Variants in RNLS observed in about 807,000 individuals in gnomAD.
RNLS encodes the protein renalase, FAD dependent amine oxidase, also known as renalase.
RNLS carries 39 observed loss-of-function variants against 39.8 expected under a neutral mutation model. The ratio of observed to expected loss-of-function variants is 0.98; its 90% CI spans 0.76 to 1.28. The LOEUF is 1.28. Ranked by LOEUF, RNLS falls within the 50% of genes most tolerant of loss-of-function variation. The pLI, the probability that RNLS is intolerant of heterozygous loss-of-function variation, is 0.00. For missense variants in RNLS, 410 were observed against 413.3 expected (o/e 0.99, Z 0.07); for synonymous variants, 147 against 150.7 (o/e 0.98, Z 0.18).
chr10:88,442,847 C>T (rs1564802441), intron 4 of RNLS, among the ~76,000 whole-genome samples: 1 of 152,214 alleles, frequency 6.6e-6, no homozygotes, highest in Non-Finnish European at 1.5e-5. Context: ...AGCTCCAACA[C>T]TTGGCTGAGC....
intron 5 of RNLS, among the ~76,000 whole-genome samples, chr10:88,321,925 G>A (rs1846212813): frequency 6.6e-6 from 1 of 152,170 alleles, no homozygotes; most frequent in Non-Finnish European, 1.5e-5. Flanking sequence ...AAAACACTGA[G>A]GCGGAGGCAT....
intron 5 of RNLS, among the ~76,000 whole-genome samples, chr10:88,355,794 T>C (rs1849118917): frequency 6.6e-6 from 1 of 152,240 alleles, no homozygotes; most frequent in South Asian, 2.1e-4. Flanking sequence ...TGTTTGGCTA[T>C]GCCCTGCCCC....
At chr10:88,265,510 T>A in the RNLS span, among the ~76,000 whole-genome samples, 2 of 152,112 alleles carry the variant, frequency 1.3e-5, no homozygotes, top group Non-Finnish European at 1.5e-5. Flanking sequence ...TTTGTTTGTG[T>A]TGTCTATGAC....
At chr10:88,369,408 G>A (rs1312684054) in intron 4 of RNLS, among the ~76,000 whole-genome samples, 2 of 152,132 alleles carry the variant, frequency 1.3e-5, no homozygotes, top group African/African-American at 4.8e-5. Context: ...GGATTCTCAG[G>A]TAGGAGACAG....
intron 4 of RNLS, among the ~76,000 whole-genome samples, chr10:88,526,831 C>A (rs1847128081): frequency 6.6e-6 from 1 of 151,768 alleles, no homozygotes; most frequent in Non-Finnish European, 1.5e-5. Flanking sequence ...CTAAAGAAAG[C>A]TCAATTCTAA....
At chr10:88,541,308 C>T (rs748926456) in intron 4 of RNLS, among the ~76,000 whole-genome samples, 2 of 152,174 alleles carry the variant, frequency 1.3e-5, no homozygotes, top group East Asian at 1.9e-4. Context: ...TGTCTTAACT[C>T]CTTTTCACTA....
chr10:88,421,765 T>A (rs1367282416), intron 4 of RNLS, among the ~76,000 whole-genome samples: 1 of 152,218 alleles, frequency 6.6e-6, no homozygotes, highest in Admixed American at 6.5e-5. Context: ...ATAACCTAGA[T>A]ATAACCTGTT....
chr10:88,339,854 T>A (rs1160830492), intron 5 of RNLS, among the ~76,000 whole-genome samples: 1 of 152,236 alleles, frequency 6.6e-6, no homozygotes, highest in East Asian at 1.9e-4. Context: ...ATGTATGTAC[T>A]GACACAGCAA....
At chr10:88,312,119 G>T (rs149620926) in intron 6 of RNLS, among the ~76,000 whole-genome samples, 1 of 152,180 alleles carries the variant, frequency 6.6e-6, no homozygotes, top group Non-Finnish European at 1.5e-5. Context: ...AATATGTTAC[G>T]TCAATGGAAA....
intron 4 of RNLS, among the ~76,000 whole-genome samples, chr10:88,550,002 C>T (rs1007688981): frequency 6.6e-6 from 1 of 152,172 alleles, no homozygotes; most frequent in Non-Finnish European, 1.5e-5. Context: ...CACCCACACT[C>T]ACACATACAC....
chr10:88,226,093 T>A, the RNLS span, among the ~76,000 whole-genome samples: 1 of 152,222 alleles, frequency 6.6e-6, no homozygotes, highest in Admixed American at 6.5e-5. Flanking sequence ...TTCCCAACTT[T>A]TGAACTGTTG....
At chr10:88,460,509 G>C (rs577592782) in intron 4 of RNLS, among the ~76,000 whole-genome samples, 1 of 151,936 alleles carries the variant, frequency 6.6e-6, no homozygotes, top group South Asian at 2.1e-4. Context: ...CACATTTCCC[G>C]TTTATCACCT....
intron 4 of RNLS, among the ~76,000 whole-genome samples, chr10:88,460,830 G>A (rs550085985): frequency 6.6e-6 from 1 of 152,182 alleles, no homozygotes; most frequent in Admixed American, 6.6e-5. Context: ...CCTGTATCAT[G>A]TTACACTGAA....
chr10:88,381,610 C>T (rs1194465141), intron 4 of RNLS, among the ~76,000 whole-genome samples: 5 of 151,532 alleles, frequency 3.3e-5, no homozygotes, highest in South Asian at 2.1e-4. Flanking sequence ...TGTAGATGAC[C>T]GTCCCTTTGA....
chr10:88,328,616 T>A (rs1846830991), intron 5 of RNLS, among the ~76,000 whole-genome samples: 1 of 152,222 alleles, frequency 6.6e-6, no homozygotes, highest in African/African-American at 2.4e-5. Context: ...AGTTATATTT[T>A]TAGCGAATAC....
At chr10:88,220,437 G>A in the RNLS span, among the ~76,000 whole-genome samples, 1 of 152,150 alleles carries the variant, frequency 6.6e-6, no homozygotes, top group Admixed American at 6.5e-5. Context: ...TCAAATTATA[G>A]TGGATGCTTT....
chr10:88,517,332 T>C (rs530843159), intron 4 of RNLS, among the ~76,000 whole-genome samples: 27 of 152,084 alleles, frequency 1.8e-4, no homozygotes, highest in African/African-American at 6.5e-4. Context: ...GCACCATTTA[T>C]TAACAAAATC....
the RNLS span, among the ~76,000 whole-genome samples, chr10:88,257,218 A>G: frequency 6.6e-6 from 1 of 152,182 alleles, no homozygotes; most frequent in Non-Finnish European, 1.5e-5. Flanking sequence ...GCCTCAAATC[A>G]ATGCAAATCA....
intron 3 of RNLS, among the ~76,000 whole-genome samples, chr10:88,576,483 G>A (rs894358910): frequency 5.3e-5 from 8 of 152,178 alleles, no homozygotes; most frequent in African/African-American, 1.9e-4. Context: ...CCCACAAATA[G>A]GTTTTAGTGA....
Sources: allele counts gnomAD v4.1 joint callset (sites outside exome capture counted in the v4.1 genomes callset), GRCh38; gene constraint gnomAD v4.1.1; transcripts MANE v1.5; gene names NCBI Gene and HGNC (gene_info 2026-07-23, HGNC 2026-07-21).